CPSF1: variants seen among roughly 807,000 people sequenced by gnomAD.
CPSF1 encodes the protein cleavage and polyadenylation specificity factor subunit 1.
A neutral mutation model predicts 175.8 loss-of-function variants in CPSF1; 106 were observed. That is an observed-to-expected ratio of 0.60 (90% CI 0.52 to 0.71). CPSF1 has a LOEUF of 0.71. Ranked by LOEUF, CPSF1 falls within the 30% of genes least tolerant of loss-of-function variation. CPSF1 has a pLI of 0.00. For missense variants in CPSF1, 1,734 were observed against 2,022.9 expected (o/e 0.86, Z 2.74); for synonymous variants, 1,024 against 858.3 (o/e 1.19, Z -3.37).
rs2116862027 is a variant in CPSF1, at chr8:144,399,381, C to T, written c.1295-8G>A. 1 of 1,612,814 alleles carries T rather than the reference C, an allele frequency of 6.2e-7. No individual in the cohort carries two copies. The highest frequency in any genetic ancestry group is 1.1e-5 in the South Asian group (1 of 91,054). ...GCACCGACTTACCCGCAGCTGCACACAGAGAGCCCACTTGAGCGCAGCCCT... is the reference window on the plus strand; with the variant it reads ...GCACCGACTTACCCGCAGCTGCACATAGAGAGCCCACTTGAGCGCAGCCCT... On this transcript the variant is annotated splice_polypyrimidine_tract_variant and splice_region_variant and intron_variant, in intron 13 of 37. Coordinates refer to ENST00000616140, the MANE Select transcript of CPSF1 (RefSeq NM_013291.3). This position sits in a 1 kb window ranked among gnomAD's most constrained non-coding sequence, Gnocchi z 6.4.
Position 144,396,484 on chromosome 8 carries a change from G to A in CPSF1, c.2843C>T (p.Pro948Leu), listed in dbSNP as rs782162243. The A allele has an allele frequency of 9.5e-5, 153 of 1,609,396 alleles. No homozygotes were observed. The highest frequency in any genetic ancestry group is 1.2e-4 in the Non-Finnish European group (145 of 1,178,652). ...GGTCACCAAGAGCCAGTGAGGGGAG[G>A]GGCCGCAGATGAAGACCTGGGGGCA... ...YGYSGVFICG[P>L]SPHWLLVTGR... is the part of the protein sequence containing the mutation. Residue 948 changes from proline to leucine, a missense_variant, in exon 26 of 38, where the codon CCC becomes CTC. Physicochemically the swap from Pro to Leu is moderately conservative, Grantham distance 98. Around this residue, in one of 10 missense-constraint regions of CPSF1, gnomAD observed 585 missense variants for 584.7 expected, o/e 1.00. Coordinates refer to ENST00000616140, the MANE Select transcript of CPSF1 (RefSeq NM_013291.3).
At chr8:144,395,690 C>A (rs985604549) in intron 26 of CPSF1, 139 bp from the exon 27 acceptor site, 3 of 699,132 alleles carry the variant, frequency 4.3e-6, no homozygotes, top group South Asian at 1.8e-5. Context: ...TGTGTCCTGG[C>A]GAGGTCCTGG....
At chr8:144,407,177 C>G (rs1257562750) in intron 2 of CPSF1, among the ~76,000 whole-genome samples, 1 of 151,386 alleles carries the variant, frequency 6.6e-6, no homozygotes, top group African/African-American at 2.4e-5. Context: ...CTCGGCCTCC[C>G]AAAGCGCTAA....
chr8:144,400,258 G>A lies in CPSF1; in HGVS notation c.845C>T (p.Ala282Val), dbSNP rs2116874015. 1.9e-6 allele frequency: 3 copies of A among 1,598,862 alleles called. No individual in the cohort carries two copies. Among genetic ancestry groups the A allele is most frequent in the African/African-American group, 1.3e-5 (1 of 74,688 alleles). ...GTTCAGGTACAACAGCGAGTTGACG[G>A]CAAACACCACCACCCCACCTGGAGG... ...PKPIGGVVVF[A>V]VNSLLYLNQS... The change falls in exon 9 of 38, where the codon GCC becomes GTC. Residue 282 changes from alanine (A) to valine (V), a missense_variant. Transcript: ENST00000616140.
intron 19 of CPSF1, 33 bp from the exon 20 acceptor site, chr8:144,398,165 C>T (rs376220422): frequency 3.8e-6 from 4 of 1,064,600 alleles, no homozygotes; most frequent in Non-Finnish European, 5.3e-6. Flanking sequence ...ATGCGCCTCC[C>T]CACCACCGTC....
intron 2 of CPSF1, among the ~76,000 whole-genome samples, chr8:144,407,671 C>T (rs1821566499): frequency 6.6e-6 from 1 of 152,124 alleles, no homozygotes; most frequent in South Asian, 2.1e-4. Context: ...TTCATTCCAG[C>T]CTGAGTGACA....
rs2116864531 is a variant in CPSF1 at position 144,399,605 on chromosome 8, G to A, written c.1225C>T (p.Arg409Cys). The A allele has an allele frequency of 2.1e-5, 34 of 1,610,694 alleles. No homozygotes were observed. Among genetic ancestry groups the A allele is most frequent in the Middle Eastern group, 1.7e-4 (1 of 6,050 alleles). Reference protein sequence around the residue: ...KLQEPPASAVREAADKEEPPS... With the variant: ...KLQEPPASAVCEAADKEEPPS... ...AAACCCACCTTGTCGGCAGCCTCACGGACAGCACTGGCCGGGGGCTCCTGC... is the reference window on the plus strand; with the variant it reads ...AAACCCACCTTGTCGGCAGCCTCACAGACAGCACTGGCCGGGGGCTCCTGC... The change falls in exon 12 of 38, where the codon CGT (arginine) becomes TGT (cysteine). Residue 409 changes from arginine (R) to cysteine (C), a missense_variant. Transcript: ENST00000616140. This position sits in a 1 kb window ranked among gnomAD's most constrained non-coding sequence, Gnocchi z 6.4.
rs1180738817 is a variant in CPSF1, at chr8:144,393,436, C to T, written c.4284+16G>A. 1.6e-4 allele frequency: 151 copies of T among 961,282 alleles called. No individual in the cohort carries two copies. The Admixed American group carries it at 3.6e-3, about 23-fold the overall frequency. 59.5% of individuals were successfully genotyped at this position (961,282 alleles called of 1,614,324 possible). ...ACGGAGGGGCGGGGCGCGCGGGGGG[C>T]GGGGCGCGCACTCACTATGTCTGGT... On this transcript the variant is annotated intron_variant, in intron 37 of 37. Coordinates refer to ENST00000616140, the MANE Select transcript of CPSF1 (RefSeq NM_013291.3).
In CPSF1 at chr8:144,393,313, C is replaced by G. The variant is rs1474241300; in HGVS notation, c.*5G>C. On this transcript the variant is annotated 3_prime_UTR_variant, in exon 38 of 38. Coordinates refer to ENST00000616140, the MANE Select transcript of CPSF1 (RefSeq NM_013291.3). Reference sequence around the variant, plus strand: ...CGTGTGCTGGTGGTGACGGCATCCACGGGGCTAGAAGTGGGCGGTGACGCG... The same window carrying G: ...CGTGTGCTGGTGGTGACGGCATCCAGGGGGCTAGAAGTGGGCGGTGACGCG... 1.3e-6 allele frequency: 2 copies of G among 1,485,644 alleles called. No individual in the cohort carries two copies. The highest frequency in any genetic ancestry group is 1.8e-6 in the Non-Finnish European group (2 of 1,110,712). The allele number at this position is 1,485,644 out of a possible 1,614,324, so 92.0% of individuals were successfully genotyped here. A position where few individuals can be genotyped will look rare whatever the true frequency, so the allele number is the denominator to read the frequency against.
rs2116913350 is a variant in CPSF1, at chr8:144,409,123, G to T, written c.36C>A (p.Thr12=). The stretch of plus-strand genomic sequence containing the variant: ...TGCAGTACATGGAGAACTCCAGACC[G>T]GTGGGCGGATGCGCCTGTTTGTACA... ...YAVYKQAHPP[T]GLEFSMYCNF... The change falls in exon 2 of 38, where the codon ACC becomes ACA. Residue 12 remains threonine (T), a synonymous_variant. Transcript: ENST00000616140. 1 of 1,612,816 alleles carries T rather than the reference G, an allele frequency of 6.2e-7. No homozygotes were observed. The highest frequency in any genetic ancestry group is 1.1e-5 in the South Asian group (1 of 90,990).
chr8:144,395,765 G>A (rs1554863526), intron 26 of CPSF1: 36 of 598,068 alleles, frequency 6.0e-5, no homozygotes, highest in Non-Finnish European at 9.2e-5. Context: ...CTGGGGCTAG[G>A]GGTGCTGGCC....
In CPSF1 at chr8:144,401,500, A is replaced by G. The variant is rs2116885026; in HGVS notation, c.236T>C (p.Met79Thr). The G allele has an allele frequency of 3.7e-6, 6 of 1,614,004 alleles. No individual in the cohort carries two copies. The highest frequency in any genetic ancestry group is 2.2e-5 in the East Asian group (1 of 44,870). The change falls in exon 4 of 38, where the codon ATG becomes ACG. Residue 79 changes from methionine (M) to threonine (T), a missense_variant. Physicochemically the swap from Met to Thr is moderately conservative, Grantham distance 81 (BLOSUM62 -1). Transcript: ENST00000616140. Reference protein sequence around the residue: ...AASFSFFGNVMSMASVQLAGA... With the variant: ...AASFSFFGNVTSMASVQLAGA... ...TGCCAGCTGCACGCTGGCCATGGACATGACGTTGCCAAAGAAGGAGAAGGA... is the reference window on the plus strand; with the variant it reads ...TGCCAGCTGCACGCTGGCCATGGACGTGACGTTGCCAAAGAAGGAGAAGGA...
chr8:144,401,464 C>T lies in CPSF1; in HGVS notation c.272G>A (p.Arg91Gln), dbSNP rs2116884694. The change falls in exon 4 of 38, where the codon CGG (arginine) becomes CAG (glutamine). Residue 91 changes from arginine (R) to glutamine (Q), a missense_variant. Transcript: ENST00000616140. Reference protein sequence around the residue: ...MASVQLAGAKRDALLLSFKDA... With the variant: ...MASVQLAGAKQDALLLSFKDA... ...CTTGAAGCTTAGGAGCAGGGCATCCCGCTTGGCTCCTGCCAGCTGCACGCT... is the reference window on the plus strand; with the variant it reads ...CTTGAAGCTTAGGAGCAGGGCATCCTGCTTGGCTCCTGCCAGCTGCACGCT... 1.5e-5 allele frequency: 24 copies of T among 1,613,908 alleles called. No homozygotes were observed. In the Admixed American group the frequency reaches 2.2e-4, roughly 15 times the overall value.
Position 144,400,924 on chromosome 8 carries a change from C to T in CPSF1, c.539G>A (p.Gly180Glu), listed in dbSNP as rs1012998999. 3 of 1,603,350 alleles carry T rather than the reference C, an allele frequency of 1.9e-6. No individual in the cohort carries two copies. The highest frequency in any genetic ancestry group is 2.6e-6 in the Non-Finnish European group (3 of 1,174,484). ...AEEHEGLVGE[G>E]QRSSFLPSYI... is the part of the protein sequence containing the mutation. Reference sequence around the variant, plus strand: ...ACAGCCTGCCTCAGCTGGCACTCACCCCTCACCCACGAGCCCCTCGTGCTC... The same window carrying T: ...ACAGCCTGCCTCAGCTGGCACTCACTCCTCACCCACGAGCCCCTCGTGCTC... Residue 180 changes from glycine (G) to glutamate (E), a missense_variant and splice_region_variant, in exon 6 of 38, where the codon GGG (glycine) becomes GAG (glutamate). This residue lies in a region of CPSF1 where 122 missense variants were observed against 177.2 expected (regional missense o/e 0.69). Coordinates refer to ENST00000616140, the MANE Select transcript of CPSF1 (RefSeq NM_013291.3).
chr8:144,400,135 G>GGGGGGGCGCCCCCCCCCCCCCC, intron 9 of CPSF1, 31 bp downstream of exon 9: 1 of 896,010 alleles, frequency 1.1e-6, no homozygotes, highest in Non-Finnish European at 1.6e-6. Context: ...CCGTCCCCGG[G>GGGGGGGCGCCCCCCCCCCCCCC]CCCCCCCCGC....
In CPSF1 at chr8:144,404,763, A is replaced by G. The variant is rs116863095; in HGVS notation, c.145-3090T>C. 3.0e-4 allele frequency among the ~76,000 whole-genome samples: 45 copies of G among 149,958 alleles called. No individual in the cohort carries two copies. In the East Asian group the frequency reaches 8.2e-3, roughly 27 times the overall value. On this transcript the variant is annotated intron_variant, in intron 2 of 37. Coordinates refer to ENST00000616140, the MANE Select transcript of CPSF1 (RefSeq NM_013291.3). ...GGGGACAGAATCAATAGCTAAAGAA[A>G]TAGCGACCAAAGGCTGGGCGTGGTG...
intron 18 of CPSF1, 41 bp from the exon 19 acceptor site, chr8:144,398,484 A>C: frequency 6.6e-7 from 1 of 1,510,074 alleles, no homozygotes; most frequent in Non-Finnish European, 9.0e-7. Flanking sequence ...CCCGCAGGGG[A>C]CCCCAGCCCC....
rs1198778065 is a variant in CPSF1, at chr8:144,394,486, G to A, written c.3637C>T (p.His1213Tyr). ...MAFIDTQLYI[H>Y]QMISVKNFIL... ...AAGTTCTTGACGCTGATCATCTGGT[G>A]TATGTAGAGCTGCGTGTCGATGAAG... is the stretch of plus-strand genomic sequence containing the variant. The change falls in exon 32 of 38, where the codon CAC becomes TAC. Residue 1213 changes from histidine to tyrosine, a missense_variant. Coordinates refer to ENST00000616140, the MANE Select transcript of CPSF1 (RefSeq NM_013291.3). 2 of 1,609,306 alleles carry A rather than the reference G, an allele frequency of 1.2e-6. No individual in the cohort carries two copies. Among genetic ancestry groups the A allele is most frequent in the Non-Finnish European group, 1.7e-6 (2 of 1,178,636 alleles).
chr8:144,399,958 G>T lies in CPSF1; in HGVS notation c.1031+34C>A. ...CCCTACAGGACTTGTGGGGGGCGGT[G>T]TGGGCAGAGTTCATGGGCGGGGGAG... On this transcript the variant is annotated intron_variant, in intron 10 of 37. Coordinates refer to ENST00000616140, the MANE Select transcript of CPSF1 (RefSeq NM_013291.3). This position sits in a 1 kb window ranked among gnomAD's most constrained non-coding sequence, Gnocchi z 6.4. 6.2e-7 allele frequency: 1 copy of T among 1,600,158 alleles called. No individual in the cohort carries two copies. Among genetic ancestry groups the T allele is most frequent in the Non-Finnish European group, 8.5e-7 (1 of 1,172,162 alleles).
Sources: allele counts gnomAD v4.1 joint callset (sites outside exome capture counted in the v4.1 genomes callset), GRCh38; gene constraint gnomAD v4.1.1; regional missense constraint gnomAD v4.1.1; non-coding constraint Gnocchi (gnomAD v3.1); transcripts MANE v1.5; gene names NCBI Gene and HGNC (gene_info 2026-07-23, HGNC 2026-07-21).